VWC2: variants seen among roughly 807,000 people sequenced by gnomAD.
The protein encoded by VWC2 is brorin.
Under a neutral mutation model 29.8 loss-of-function variants are expected in VWC2, and 14 were observed. The observed-to-expected ratio is 0.47, with a 90% confidence interval of 0.31 to 0.74. VWC2 has a LOEUF of 0.74. VWC2 is among the 30% of genes least tolerant of loss of function. The probability of loss-of-function intolerance (pLI) is 0.05; values close to 1 mark genes in which losing one functional copy is unlikely to be tolerated. For missense variants in VWC2, 457 were observed against 459.8 expected (o/e 0.99, Z 0.05); for synonymous variants, 213 against 199.0 (o/e 1.07, Z -0.59).
intron 2 of VWC2, 21 bp downstream of exon 2, chr7:49,776,152 G>A (rs1054182819): frequency 6.2e-5 from 92 of 1,489,404 alleles, no homozygotes; most frequent in Non-Finnish European, 7.8e-5. Flanking sequence ...AACGCCCGCC[G>A]GGCGACTTTG....
At chr7:49,873,702 T>G (rs149997177) in intron 3 of VWC2, among the ~76,000 whole-genome samples, 179 of 152,312 alleles carry the variant, frequency 1.2e-3, no homozygotes, top group Non-Finnish European at 2.2e-3. Context: ...AGAGATGCTC[T>G]CATGCATTTT....
At chr7:49,781,186 G>A (rs1050229018) in intron 2 of VWC2, among the ~76,000 whole-genome samples, 4 of 152,094 alleles carry the variant, frequency 2.6e-5, no homozygotes, top group African/African-American at 9.7e-5. Flanking sequence ...TTCTGAGTAA[G>A]ATTTTGTAAA....
chr7:49,876,330 A>G (rs1029471043), intron 3 of VWC2, among the ~76,000 whole-genome samples: 3 of 152,080 alleles, frequency 2.0e-5, no homozygotes, highest in African/African-American at 7.2e-5. Context: ...AAAAGACCCA[A>G]TTTTTATTTT....
At chr7:49,909,124 G>A (rs1452646071) in intron 3 of VWC2, among the ~76,000 whole-genome samples, 1 of 152,138 alleles carries the variant, frequency 6.6e-6, no homozygotes, top group Non-Finnish European at 1.5e-5. Flanking sequence ...AATTTAATCA[G>A]TCCAAGATCA....
intron 3 of VWC2, among the ~76,000 whole-genome samples, chr7:49,872,546 A>G (rs1224385727): frequency 6.6e-6 from 1 of 152,040 alleles, no homozygotes; most frequent in Non-Finnish European, 1.5e-5. Context: ...AAGATACACA[A>G]AAAAATACAA....
chr7:49,901,443 C>T (rs970028556), intron 3 of VWC2, among the ~76,000 whole-genome samples: 1 of 151,634 alleles, frequency 6.6e-6, no homozygotes, highest in African/African-American at 2.4e-5. Context: ...AAATTAAATA[C>T]ATAATACATT....
At chr7:49,800,836 T>C (rs1221145165) in intron 2 of VWC2, among the ~76,000 whole-genome samples, 1 of 128,360 alleles carries the variant, frequency 7.8e-6, no homozygotes, top group Non-Finnish European at 1.6e-5. Context: ...AGAGCACCAC[T>C]GGTTATGGTA....
intron 3 of VWC2, among the ~76,000 whole-genome samples, chr7:49,827,912 G>T (rs1038358363): frequency 6.6e-6 from 1 of 151,986 alleles, no homozygotes; most frequent in Non-Finnish European, 1.5e-5. Context: ...ATTGAGACAC[G>T]GTTTACATAC....
intron 3 of VWC2, among the ~76,000 whole-genome samples, chr7:49,876,191 A>G (rs1325558193): frequency 6.6e-6 from 1 of 152,206 alleles, no homozygotes; most frequent in East Asian, 1.9e-4. Flanking sequence ...TTTAAGAGAC[A>G]CAGGTTGGGT....
At chr7:49,813,042 G>A (rs74408906) in intron 3 of VWC2, among the ~76,000 whole-genome samples, 1 of 152,290 alleles carries the variant, frequency 6.6e-6, no homozygotes, top group East Asian at 1.9e-4. Flanking sequence ...TAACGTGGAA[G>A]TCCAACTCCC....
Position 49,915,759 on chromosome 7 carries a change from T to G in VWC2, c.*3574T>G, listed in dbSNP as rs867320519. 1.3e-5 allele frequency: 2 copies of G among 152,198 alleles called. No individual in the cohort carries two copies. Among genetic ancestry groups the G allele is most frequent in the Non-Finnish European group, 2.9e-5 (2 of 68,012 alleles). 9.4% of individuals were successfully genotyped at this position (152,198 alleles called of 1,614,324 possible). A position where few individuals can be genotyped will look rare whatever the true frequency, so the allele number is the denominator to read the frequency against. On this transcript the variant is annotated 3_prime_UTR_variant, in exon 4 of 4. Coordinates refer to ENST00000340652, the MANE Select transcript of VWC2 (RefSeq NM_198570.5). ...TAAATTTGCTTCAATGGGCAAGAGATCAATCCTACTTTTCATTGTTATTTT... is the reference window on the plus strand; with the variant it reads ...TAAATTTGCTTCAATGGGCAAGAGAGCAATCCTACTTTTCATTGTTATTTT...
chr7:49,863,120 G>A (rs183505144), intron 3 of VWC2, among the ~76,000 whole-genome samples: 1 of 152,214 alleles, frequency 6.6e-6, no homozygotes, highest in East Asian at 1.9e-4. Flanking sequence ...GGGAGGTTTT[G>A]GATTACTGAT....
At chr7:49,797,085 A>T (rs1788609392) in intron 2 of VWC2, among the ~76,000 whole-genome samples, 1 of 152,238 alleles carries the variant, frequency 6.6e-6, no homozygotes, top group Admixed American at 6.5e-5. Context: ...CATGTCTATA[A>T]GTATTGAGCA....
intron 2 of VWC2, among the ~76,000 whole-genome samples, chr7:49,789,567 T>C (rs2128703485): frequency 6.6e-6 from 1 of 152,300 alleles, no homozygotes; most frequent in African/African-American, 2.4e-5. Flanking sequence ...TAAAAGTCTA[T>C]TCTTAGGAAG....
At chr7:49,885,385 C>A (rs1033642570) in intron 3 of VWC2, among the ~76,000 whole-genome samples, 1 of 151,898 alleles carries the variant, frequency 6.6e-6, no homozygotes, top group African/African-American at 2.4e-5. Context: ...TAAATATATA[C>A]AATTATGTTC....
At chr7:49,786,007 A>G (rs1371592804) in intron 2 of VWC2, among the ~76,000 whole-genome samples, 3 of 152,210 alleles carry the variant, frequency 2.0e-5, no homozygotes, top group South Asian at 2.1e-4. Flanking sequence ...GCCTTCCCCC[A>G]GAAGACTTTT....
intron 3 of VWC2, among the ~76,000 whole-genome samples, chr7:49,821,790 T>C (rs1464674271): frequency 1.3e-5 from 2 of 152,202 alleles, no homozygotes; most frequent in South Asian, 4.1e-4. Flanking sequence ...ACTCATACTT[T>C]GGATAAATTT....
rs139980675 is a variant in VWC2 at position 49,907,121 on chromosome 7, A to C, written c.827-4913A>C. Among the ~76,000 whole-genome samples, 406 of 152,340 alleles carry C rather than the reference A, an allele frequency of 2.7e-3. 1 individual carries two copies. The highest frequency in any genetic ancestry group is 9.0e-3 in the African/African-American group (375 of 41,576). ...GACATGTTTTTAGGTGAAAAAAAGC[A>C]AAGTACACAGCATTAAGAAGTATGT... On this transcript the variant is annotated intron_variant, in intron 3 of 3. Coordinates refer to ENST00000340652, the MANE Select transcript of VWC2 (RefSeq NM_198570.5).
At chr7:49,792,599 T>G (rs1788488698) in intron 2 of VWC2, among the ~76,000 whole-genome samples, 1 of 152,204 alleles carries the variant, frequency 6.6e-6, no homozygotes, top group South Asian at 2.1e-4. Context: ...TCCTGAGAAT[T>G]GCTGTACTGT....
Sources: allele counts gnomAD v4.1 joint callset (sites outside exome capture counted in the v4.1 genomes callset), GRCh38; gene constraint gnomAD v4.1.1; transcripts MANE v1.5; gene names NCBI Gene and HGNC (gene_info 2026-07-23, HGNC 2026-07-21).